The following APAF1 variants were observed in gnomAD, a reference collection of about 807,000 sequenced individuals.
APAF1 encodes apoptotic protease-activating factor 1.
Under a neutral mutation model 152.4 loss-of-function variants are expected in APAF1, and 91 were observed. The ratio of observed to expected loss-of-function variants is 0.60; its 90% CI spans 0.50 to 0.71. APAF1 has a LOEUF of 0.71. Among genes scored for constraint, APAF1 ranks in the 30% least tolerant of loss-of-function variants. The probability of loss-of-function intolerance (pLI) is 0.00; values close to 1 mark genes in which losing one functional copy is unlikely to be tolerated. For missense variants in APAF1, 1,283 were observed against 1,472.0 expected (o/e 0.87, Z 2.10); for synonymous variants, 484 against 494.1 (o/e 0.98, Z 0.27).
Position 98,648,328 on chromosome 12 carries a change from G to A in APAF1, c.-32G>A. Reference sequence around the variant, plus strand: ...GGTGTTTTGGCTGTAGCTCATGGTTGACAGCTCAGAGAGAGAAAGATCTGA... The same window carrying A: ...GGTGTTTTGGCTGTAGCTCATGGTTAACAGCTCAGAGAGAGAAAGATCTGA... On this transcript the variant is annotated 5_prime_UTR_variant, in exon 2 of 27. Coordinates refer to ENST00000551964, the MANE Select transcript of APAF1 (RefSeq NM_181861.2). 1 of 1,613,664 alleles carries A rather than the reference G, an allele frequency of 6.2e-7. No individual in the cohort carries two copies.
intron 16 of APAF1, among the ~76,000 whole-genome samples, chr12:98,698,502 T>C (rs778794795): frequency 1.1e-4 from 16 of 152,244 alleles, no homozygotes; most frequent in Non-Finnish European, 2.4e-4. Flanking sequence ...ATTACCCAGA[T>C]TACCTGCAGT....
chr12:98,668,651 A>C (rs1394404861), intron 10 of APAF1, among the ~76,000 whole-genome samples: 2 of 152,198 alleles, frequency 1.3e-5, no homozygotes, highest in Non-Finnish European at 2.9e-5. Context: ...GAGAAAGAGA[A>C]GAATCAAAGA....
At chr12:98,701,033 C>T (rs1038661948) in intron 17 of APAF1, among the ~76,000 whole-genome samples, 1 of 151,662 alleles carries the variant, frequency 6.6e-6, no homozygotes, top group Non-Finnish European at 1.5e-5. Context: ...TTTTCACATA[C>T]AGCCTTGTTG....
At chr12:98,663,658 T>C (rs1026501931) in intron 7 of APAF1, among the ~76,000 whole-genome samples, 10 of 152,224 alleles carry the variant, frequency 6.6e-5, no homozygotes, top group African/African-American at 2.2e-4. Context: ...TTTTCTTCTT[T>C]TTCTTTTTTT....
chr12:98,672,917 G>A lies in APAF1; in HGVS notation c.1793+1198G>A, dbSNP rs539205819. On this transcript the variant is annotated intron_variant, in intron 12 of 26. Transcript: ENST00000551964. ...TTACAGGCATATGCCACCACGCCTG[G>A]CCGATTTTGTATTTTTTTTTAGTAG... 3.3e-5 allele frequency among the ~76,000 whole-genome samples: 5 copies of A among 151,700 alleles called. No individual in the cohort carries two copies. In the South Asian group the frequency reaches 1.0e-3, roughly 32 times the overall value.
chr12:98,732,327 G>T (rs1202033772), intron 26 of APAF1, 93 bp from the exon 27 acceptor site: 6 of 1,131,744 alleles, frequency 5.3e-6, no homozygotes, highest in Non-Finnish European at 8.0e-6. Flanking sequence ...GTTCGGTTGG[G>T]GGGAGGAGAT....
chr12:98,656,910 A>G (rs1047285928), intron 4 of APAF1, among the ~76,000 whole-genome samples: 1 of 152,138 alleles, frequency 6.6e-6, no homozygotes, highest in Non-Finnish European at 1.5e-5. Context: ...TATTGATGTA[A>G]TCACCGTCTC....
rs1335507713 is a variant in APAF1, at chr12:98,686,804, A to C, written c.2235A>C (p.Ser745=). ...ATACCATGTTTGGTCATACAAATTC[A>C]GTCAATCACTGCAGATTTTCACCAG... ...CRNTMFGHTN[S]VNHCRFSPDD... Residue 745 remains serine, a synonymous_variant, in exon 16 of 27, where the codon TCA becomes TCC. Transcript: ENST00000551964. 1 of 1,613,888 alleles carries C rather than the reference A, an allele frequency of 6.2e-7. No individual in the cohort carries two copies. The highest frequency in any genetic ancestry group is 8.5e-7 in the Non-Finnish European group (1 of 1,179,840).
intron 10 of APAF1, among the ~76,000 whole-genome samples, chr12:98,668,473 GCT>G (rs1194054290): frequency 2.6e-5 from 4 of 152,274 alleles, no homozygotes; most frequent in African/African-American, 9.6e-5. Flanking sequence ...CAAAGTCATT[GCT>G]CTCACGAGTT....
At chr12:98,698,904 A>G (rs763295435) in intron 16 of APAF1, among the ~76,000 whole-genome samples, 24 of 152,172 alleles carry the variant, frequency 1.6e-4, no homozygotes, top group Admixed American at 7.9e-4. Context: ...GGCCCTGCCA[A>G]GCACACAAAG....
chr12:98,699,661 T>G, intron 17 of APAF1, 92 bp downstream of exon 17: 1 of 1,441,372 alleles, frequency 6.9e-7, no homozygotes, highest in Non-Finnish European at 9.6e-7. Context: ...TTCATAAAAA[T>G]AAAGTCTAGC....
chr12:98,686,699 C>T, intron 15 of APAF1, 49 bp from the exon 16 acceptor site: 1 of 1,564,798 alleles, frequency 6.4e-7, no homozygotes, highest in Non-Finnish European at 8.7e-7. Flanking sequence ...TCTGATGTTT[C>T]CCCACTCAAT....
intron 12 of APAF1, among the ~76,000 whole-genome samples, chr12:98,673,780 G>A (rs192071921): frequency 1.3e-5 from 2 of 152,294 alleles, no homozygotes; most frequent in African/African-American, 4.8e-5. Flanking sequence ...CCCCTAAGGA[G>A]TTCAAAATCT....
intron 21 of APAF1, among the ~76,000 whole-genome samples, chr12:98,713,268 T>A (rs1385492243): frequency 2.6e-5 from 4 of 152,260 alleles, no homozygotes; most frequent in Non-Finnish European, 5.9e-5. Context: ...TGTCCCTTAT[T>A]CTCTACTTAG....
Position 98,686,789 on chromosome 12 carries a change from T to C in APAF1, c.2220T>C (p.Phe740=). 6.2e-7 allele frequency: 1 copy of C among 1,613,922 alleles called. No homozygotes were observed. The highest frequency in any genetic ancestry group is 8.5e-7 in the Non-Finnish European group (1 of 1,179,894). ...AAAAAGAATGTCGAAATACCATGTT[T>C]GGTCATACAAATTCAGTCAATCACT... The part of the protein sequence containing the change: ...LNQKECRNTM[F]GHTNSVNHCR... Residue 740 remains phenylalanine, a synonymous_variant, in exon 16 of 27, where the codon TTT becomes TTC. Coordinates refer to ENST00000551964, the MANE Select transcript of APAF1 (RefSeq NM_181861.2).
chr12:98,648,003 C>T (rs2097644034), intron 1 of APAF1, among the ~76,000 whole-genome samples: 1 of 152,076 alleles, frequency 6.6e-6, no homozygotes, highest in Non-Finnish European at 1.5e-5. Flanking sequence ...GATATTTTTA[C>T]ATATGTATTT....
chr12:98,723,943 A>G (rs1312175048), intron 24 of APAF1, among the ~76,000 whole-genome samples, 179 bp downstream of exon 24: 1 of 152,250 alleles, frequency 6.6e-6, no homozygotes, highest in Non-Finnish European at 1.5e-5. Context: ...AATGAAATAC[A>G]TTGAGGACTT....
At chr12:98,723,788 G>T in intron 24 of APAF1, 24 bp downstream of exon 24, 2 of 1,613,118 alleles carry the variant, frequency 1.2e-6, no homozygotes, top group Non-Finnish European at 1.7e-6. Flanking sequence ...TTGAAACCAT[G>T]CATAAAACTT....
intron 7 of APAF1, among the ~76,000 whole-genome samples, chr12:98,663,547 T>C (rs2097668199): frequency 6.6e-6 from 1 of 152,202 alleles, no homozygotes; most frequent in Non-Finnish European, 1.5e-5. Context: ...TTTTATTTGT[T>C]GTATTCTTTT....
Sources: gnomAD v4.1 joint callset for allele counts (sites outside exome capture counted in the v4.1 genomes callset) on GRCh38, gnomAD v4.1.1 for gene constraint, MANE v1.5 for transcripts, NCBI Gene and HGNC (gene_info 2026-07-23, HGNC 2026-07-21) for gene names.